Variants in DDHD1 observed in about 807,000 individuals in gnomAD.
The protein encoded by DDHD1 is phospholipase DDHD1.
A neutral mutation model predicts 96.4 loss-of-function variants in DDHD1; 49 were observed. That is an observed-to-expected ratio of 0.51 (90% CI 0.40 to 0.64). The LOEUF is 0.64. Among genes scored for constraint, DDHD1 ranks in the 30% least tolerant of loss-of-function variants. DDHD1 has a pLI of 0.00. For synonymous variants in DDHD1, 442 were observed against 446.5 expected (o/e 0.99, Z 0.13); for missense variants, 1,106 against 1,161.2 (o/e 0.95, Z 0.69).
At chr14:53,053,378 T>C (rs1882770946) in intron 11 of DDHD1, 1 of 152,116 alleles carries the variant, frequency 6.6e-6, no homozygotes, top group South Asian at 2.1e-4. Context: ...GACTTGCAAT[T>C]ATAAAATTTT....
intron 2 of DDHD1, 69 bp from the exon 3 acceptor site, chr14:53,093,513 C>A: frequency 6.4e-7 from 1 of 1,560,818 alleles, no homozygotes; most frequent in Non-Finnish European, 8.6e-7. Context: ...AGAATTATAA[C>A]ACTCAGATTT....
intron 1 of DDHD1, among the ~76,000 whole-genome samples, chr14:53,118,280 C>A (rs1214063128): frequency 6.6e-6 from 1 of 152,154 alleles, no homozygotes; most frequent in African/African-American, 2.4e-5. Flanking sequence ...CAGCTCCTCA[C>A]CAGCAAGGGA....
chr14:53,133,170 G>T (rs191066792), intron 1 of DDHD1, among the ~76,000 whole-genome samples: 445 of 152,224 alleles, frequency 2.9e-3, no homozygotes, highest in Middle Eastern at 0.017. Flanking sequence ...TACTCCTCAG[G>T]GATTGTTCAG....
intron 7 of DDHD1, among the ~76,000 whole-genome samples, chr14:53,062,390 T>C (rs994144988): frequency 6.6e-5 from 10 of 152,016 alleles, no homozygotes; most frequent in African/African-American, 2.2e-4. Flanking sequence ...ATAAGGCATG[T>C]AACTAGAGAT....
At position 53,037,248 on chromosome 14, in the gene DDHD1, G is replaced by C. The variant is rs1416560349; in HGVS notation, c.*9520C>G. On this transcript the variant is annotated 3_prime_UTR_variant, in exon 13 of 13. Transcript: ENST00000673822. ...GTGATGACCATATGTGTTTTTGGTA[G>C]AAGGATTTATTTCCTTTTGGGAAAT... The C allele has an allele frequency of 2.0e-5, 3 of 152,122 alleles. No individual in the cohort carries two copies. The highest frequency in any genetic ancestry group is 4.4e-5 in the Non-Finnish European group (3 of 67,996). The allele number at this position is 152,122 out of a possible 1,614,324, so 9.4% of individuals were successfully genotyped here. A position where few individuals can be genotyped will look rare whatever the true frequency, so the allele number is the denominator to read the frequency against.
chr14:53,085,100 A>G (rs1186204544), intron 4 of DDHD1, among the ~76,000 whole-genome samples: 1 of 152,226 alleles, frequency 6.6e-6, no homozygotes, highest in Admixed American at 6.5e-5. Flanking sequence ...AGGCTTGAGT[A>G]GGTAAATAAA....
At chr14:53,115,709 CAAG>C (rs58699205) in intron 1 of DDHD1, among the ~76,000 whole-genome samples, 110,793 of 151,636 alleles carry the variant, frequency 0.73, 43,354 homozygotes, top group East Asian at 0.98. Context: ...GCCTGCCTTA[CAAG>C]AACTCCTGAA....
Position 53,040,699 on chromosome 14 carries a change from G to C in DDHD1, c.*6069C>G, listed in dbSNP as rs565862035. ...GAAAACAGAAATAATGCATGCTTCA[G>C]TAAAACTGAAGATTCTGAGAAAACT... On this transcript the variant is annotated 3_prime_UTR_variant, in exon 13 of 13. Coordinates refer to ENST00000673822, the MANE Select transcript of DDHD1 (RefSeq NM_001160148.2). 8 of 152,282 alleles carry C rather than the reference G, an allele frequency of 5.3e-5. No individual in the cohort carries two copies. The highest frequency in any genetic ancestry group is 1.7e-4 in the African/African-American group (7 of 41,564). The allele number at this position is 152,282 out of a possible 1,614,324, so 9.4% of individuals were successfully genotyped here. A position where few individuals can be genotyped will look rare whatever the true frequency, so the allele number is the denominator to read the frequency against.
At chr14:53,086,978 A>G (rs1886029492) in intron 4 of DDHD1, among the ~76,000 whole-genome samples, 1 of 150,002 alleles carries the variant, frequency 6.7e-6, no homozygotes, top group South Asian at 2.1e-4. Flanking sequence ...AAAGCAAAAA[A>G]AAAAAAAAAA....
At chr14:53,081,649 A>C (rs1885479148) in intron 4 of DDHD1, among the ~76,000 whole-genome samples, 1 of 152,230 alleles carries the variant, frequency 6.6e-6, no homozygotes, top group Non-Finnish European at 1.5e-5. Context: ...ATCCAGTCAA[A>C]AATGTCAATA....
At chr14:53,070,453 T>C (rs1019774177) in intron 6 of DDHD1, among the ~76,000 whole-genome samples, 3 of 152,220 alleles carry the variant, frequency 2.0e-5, no homozygotes, top group African/African-American at 7.2e-5. Context: ...TTTGAATCCA[T>C]CTCTTCTCTT....
intron 1 of DDHD1, among the ~76,000 whole-genome samples, chr14:53,134,326 T>C (rs572117384): frequency 5.9e-5 from 9 of 152,312 alleles, no homozygotes; most frequent in African/African-American, 1.4e-4. Flanking sequence ...TCAGCCACTC[T>C]TGACTCCCTC....
chr14:53,045,082 A>C lies in DDHD1; in HGVS notation c.*1686T>G, dbSNP rs890252907. On this transcript the variant is annotated 3_prime_UTR_variant, in exon 13 of 13. Transcript: ENST00000673822. ...CCAAGAACATAGAAATCAAGCAGGG[A>C]AACACCGGCTTCATGGTCATTTCTC... 2.0e-5 allele frequency: 3 copies of C among 152,232 alleles called. No homozygotes were observed. Among genetic ancestry groups the C allele is most frequent in the African/African-American group, 7.2e-5 (3 of 41,458 alleles). The allele number at this position is 152,232 out of a possible 1,614,324, so 9.4% of individuals were successfully genotyped here. A position where few individuals can be genotyped will look rare whatever the true frequency, so the allele number is the denominator to read the frequency against.
intron 6 of DDHD1, among the ~76,000 whole-genome samples, chr14:53,064,347 T>A (rs1388454442): frequency 1.3e-5 from 2 of 152,044 alleles, no homozygotes; most frequent in Non-Finnish European, 2.9e-5. Context: ...ACCATGTAAA[T>A]CTCAAAGCAC....
rs1404228448 is a variant in DDHD1 at position 53,073,751 on chromosome 14, A to G, written c.1386T>C (p.Thr462=). ...TTTAAATAAATATACCTCCATCAAGAGTAAGTTTTGACCGCCACTCAACAG... is the reference window on the plus strand; with the variant it reads ...TTTAAATAAATATACCTCCATCAAGGGTAAGTTTTGACCGCCACTCAACAG... ...FLPVEWRSKL[T]LDGDTVDSIT... is the part of the protein sequence containing the mutation. Residue 462 remains threonine, a synonymous_variant, in exon 5 of 13, where the codon ACT becomes ACC. Coordinates refer to ENST00000673822, the MANE Select transcript of DDHD1 (RefSeq NM_001160148.2). The G allele has an allele frequency of 6.2e-7, 1 of 1,607,856 alleles. No homozygotes were observed. The highest frequency in any genetic ancestry group is 8.5e-7 in the Non-Finnish European group (1 of 1,176,658).
At chr14:53,060,763 A>T (rs2139860418) in intron 8 of DDHD1, among the ~76,000 whole-genome samples, 1 of 152,314 alleles carries the variant, frequency 6.6e-6, no homozygotes, top group African/African-American at 2.4e-5. Flanking sequence ...TCTTAAACAG[A>T]ATAGCATCTC....
At chr14:53,073,120 TA>T (rs1884661125) in intron 5 of DDHD1, among the ~76,000 whole-genome samples, 1 of 152,090 alleles carries the variant, frequency 6.6e-6, no homozygotes, top group Non-Finnish European at 1.5e-5. Context: ...GTAAATAATC[TA>T]AACATTCTGT....
Position 53,040,714 on chromosome 14 carries a change from C to T in DDHD1, c.*6054G>A, listed in dbSNP as rs1595067635. On this transcript the variant is annotated 3_prime_UTR_variant, in exon 13 of 13. Coordinates refer to ENST00000673822, the MANE Select transcript of DDHD1 (RefSeq NM_001160148.2). ...GCATGCTTCAGTAAAACTGAAGATT[C>T]TGAGAAAACTAACCTGCTTTGGCTA... The T allele has an allele frequency of 6.6e-6, 1 of 152,120 alleles. No homozygotes were observed. Among genetic ancestry groups the T allele is most frequent in the African/African-American group, 2.4e-5 (1 of 41,506 alleles). The allele number at this position is 152,120 out of a possible 1,614,324, so 9.4% of individuals were successfully genotyped here.
At chr14:53,135,081 C>T (rs1284902382) in intron 1 of DDHD1, among the ~76,000 whole-genome samples, 7 of 152,150 alleles carry the variant, frequency 4.6e-5, no homozygotes, top group Admixed American at 3.9e-4. Context: ...CACTTCACCA[C>T]CATTTTGTTT....
Sources: allele counts gnomAD v4.1 joint callset (sites outside exome capture counted in the v4.1 genomes callset), GRCh38; gene constraint gnomAD v4.1.1; transcripts MANE v1.5; gene names NCBI Gene and HGNC (gene_info 2026-07-23, HGNC 2026-07-21).